SMIM8: variants seen among roughly 807,000 people sequenced by gnomAD.
The protein encoded by SMIM8 is UPF0708 protein C6orf162.
In SMIM8, 8 loss-of-function variants were observed where a neutral mutation model predicts 8.1. The ratio of observed to expected loss-of-function variants is 0.99; its 90% CI spans 0.58 to 1.78. The LOEUF is 1.78. Among genes scored for constraint, SMIM8 ranks in the 40% most tolerant of loss-of-function variants. The probability of loss-of-function intolerance (pLI) is 0.00; values close to 1 mark genes in which losing one functional copy is unlikely to be tolerated. For synonymous variants in SMIM8, 45 were observed against 39.7 expected (o/e 1.13, Z -0.50); for missense variants, 126 against 119.8 (o/e 1.05, Z -0.24).
chr6:87,329,673 T>A (rs1776945476), intron 1 of SMIM8, among the ~76,000 whole-genome samples: 2 of 152,064 alleles, frequency 1.3e-5, no homozygotes, highest in Non-Finnish European at 2.9e-5. Context: ...GTGATTATAA[T>A]TTTTTTTCTT....
intron 2 of SMIM8, 86 bp downstream of exon 2, chr6:87,330,798 ACTCTC>A (rs376020414): frequency 6.6e-5 from 10 of 151,356 alleles, no homozygotes; most frequent in African/African-American, 2.2e-4. Flanking sequence ...GAAATGTTCT[ACTCTC>A]CTCTATTTTT....
rs1003358410 is a variant in SMIM8 at position 87,336,952 on chromosome 6, G to A, written c.-23-57G>A. On this transcript the variant is annotated intron_variant, in intron 2 of 3. Transcript: ENST00000392863. The stretch of plus-strand genomic sequence containing the variant: ...AGGAATTTAAGAATTACTTTTTAAA[G>A]AAATTTATCAGAGAAGCACAATTAT... 3.6e-6 allele frequency: 5 copies of A among 1,373,188 alleles called. No individual in the cohort carries two copies. The African/African-American group carries it at 7.3e-5, about 20-fold the overall frequency. The allele number at this position is 1,373,188 out of a possible 1,614,324, so 85.1% of individuals were successfully genotyped here.
intron 1 of SMIM8, among the ~76,000 whole-genome samples, chr6:87,329,802 G>C (rs1187627733): frequency 1.3e-5 from 2 of 152,106 alleles, no homozygotes; most frequent in East Asian, 3.9e-4. Context: ...CTCCTGGTAA[G>C]GACATCTCCT....
intron 2 of SMIM8, among the ~76,000 whole-genome samples, chr6:87,332,284 C>G (rs1328802230): frequency 2.1e-5 from 3 of 146,284 alleles, no homozygotes; most frequent in Non-Finnish European, 4.5e-5. Flanking sequence ...TGTAACTAGT[C>G]TCTCTCTTTC....
intron 3 of SMIM8, among the ~76,000 whole-genome samples, chr6:87,339,334 G>A (rs1412101948): frequency 2.6e-4 from 11 of 42,042 alleles, no homozygotes; most frequent in South Asian, 1.6e-3. Flanking sequence ...GCGTGTGTGT[G>A]TGTGTGTGTG....
At position 87,329,487 on chromosome 6, in the gene SMIM8, C is replaced by G. The variant is rs558322827; in HGVS notation, c.-44-1205C>G. 4.0e-4 allele frequency among the ~76,000 whole-genome samples: 61 copies of G among 152,304 alleles called. 1 individual carries two copies. The highest frequency in any genetic ancestry group is 3.7e-3 in the East Asian group (19 of 5,174). On this transcript the variant is annotated intron_variant, in intron 1 of 3. Coordinates refer to ENST00000392863, the MANE Select transcript of SMIM8 (RefSeq NM_001042493.3). ...ACGGGGTTTCACCATATTGGCTACG[C>G]TAGTTTCAAACTCCTGACCTCAAGT...
rs538949089 is a variant in SMIM8, at chr6:87,328,745, G to A, written c.-44-1947G>A. On this transcript the variant is annotated intron_variant, in intron 1 of 3. Transcript: ENST00000392863. ...GCCCCCAGAGGTGGAGCCTACAGAG[G>A]CAGGCAGGCCTCCTTGAGCTGTGGT... 3.4e-3 allele frequency among the ~76,000 whole-genome samples: 517 copies of A among 152,330 alleles called. 1 individual carries two copies. Among genetic ancestry groups the A allele is most frequent in the African/African-American group, 0.012 (495 of 41,572 alleles).
Position 87,341,399 on chromosome 6 carries a change from C to G in SMIM8, c.*1125C>G, listed in dbSNP as rs1428014131. On this transcript the variant is annotated 3_prime_UTR_variant, in exon 4 of 4. Transcript: ENST00000392863. ...TGGCACCTGGCCCAGGGGCCTAGGA[C>G]AGAGGTCAAGGCTAGGCCCCTGTGT... is the stretch of plus-strand genomic sequence containing the variant. 3 of 397,342 alleles carry G rather than the reference C, an allele frequency of 7.6e-6. No homozygotes were observed. Among genetic ancestry groups the G allele is most frequent in the African/African-American group, 4.1e-5 (2 of 48,578 alleles). 24.6% of individuals were successfully genotyped at this position (397,342 alleles called of 1,614,324 possible). A position where few individuals can be genotyped will look rare whatever the true frequency, so the allele number is the denominator to read the frequency against.
Position 87,328,075 on chromosome 6 carries a change from G to A in SMIM8, c.-44-2617G>A, listed in dbSNP as rs1372156206. 6.6e-5 allele frequency among the ~76,000 whole-genome samples: 10 copies of A among 152,092 alleles called. No homozygotes were observed. In the South Asian group the frequency reaches 2.1e-3, roughly 32 times the overall value. ...CTCCTGAGGCTTCTGCATTCTTCAC[G>A]TAGTTCTTGAGCCTTGGTTTTCAGC... is the stretch of plus-strand genomic sequence containing the variant. On this transcript the variant is annotated intron_variant, in intron 1 of 3. Transcript: ENST00000392863.
intron 1 of SMIM8, among the ~76,000 whole-genome samples, chr6:87,328,532 C>T (rs1181475098): frequency 6.6e-6 from 1 of 151,698 alleles, no homozygotes; most frequent in African/African-American, 2.4e-5. Flanking sequence ...CAGTCTGCCC[C>T]TGCTGGAGGC....
At chr6:87,322,946 G>C (rs540439332) in intron 1 of SMIM8, 4 of 152,322 alleles carry the variant, frequency 2.6e-5, no homozygotes, top group African/African-American at 9.6e-5. Context: ...CAGTTTCTTA[G>C]TGTCTTGGCT....
Position 87,340,402 on chromosome 6 carries a change from C to A in SMIM8, c.*128C>A. On this transcript the variant is annotated 3_prime_UTR_variant, in exon 4 of 4. Transcript: ENST00000392863. ...TAATGAAGAGAGAAGATAGCAGTTG[C>A]AACCAGACAACTGTCGTAAATTTTG... 2 of 921,946 alleles carry A rather than the reference C, an allele frequency of 2.2e-6. No individual in the cohort carries two copies. Among genetic ancestry groups the A allele is most frequent in the Non-Finnish European group, 2.9e-6 (2 of 696,844 alleles). 57.1% of individuals were successfully genotyped at this position (921,946 alleles called of 1,614,324 possible). A position where few individuals can be genotyped will look rare whatever the true frequency, so the allele number is the denominator to read the frequency against.
At chr6:87,339,143 A>G (rs1377122828) in intron 3 of SMIM8, among the ~76,000 whole-genome samples, 2 of 152,122 alleles carry the variant, frequency 1.3e-5, no homozygotes, top group East Asian at 3.8e-4. Flanking sequence ...GTATTTATTA[A>G]AAATACAAAA....
rs994772874 is a variant in SMIM8 at position 87,324,025 on chromosome 6, T to A, written c.-45+1393T>A. On this transcript the variant is annotated intron_variant, in intron 1 of 3. Coordinates refer to ENST00000392863, the MANE Select transcript of SMIM8 (RefSeq NM_001042493.3). ...TGATTTGCATTTCTCTGATGGCCAG[T>A]GATGGTGAGCATTTTTTCATGTGTG... Among the ~76,000 whole-genome samples the A allele has an allele frequency of 3.3e-4, 50 of 150,372 alleles. 1 individual carries two copies. Among genetic ancestry groups the A allele is most frequent in the East Asian group, 1.6e-3 (8 of 5,136 alleles).
Position 87,341,133 on chromosome 6 carries a change from A to G in SMIM8, c.*859A>G. ...GTTATTTAAAAACTACAACTACTCAATGGATAAGGAATAGATAAGGTCTCC... is the reference window on the plus strand; with the variant it reads ...GTTATTTAAAAACTACAACTACTCAGTGGATAAGGAATAGATAAGGTCTCC... On this transcript the variant is annotated 3_prime_UTR_variant, in exon 4 of 4. Transcript: ENST00000392863. 4 of 395,416 alleles carry G rather than the reference A, an allele frequency of 1.0e-5. No homozygotes were observed. Among genetic ancestry groups the G allele is most frequent in the East Asian group, 3.6e-5 (1 of 27,838 alleles). The allele number at this position is 395,416 out of a possible 1,614,324, so 24.5% of individuals were successfully genotyped here.
intron 3 of SMIM8, among the ~76,000 whole-genome samples, chr6:87,337,889 A>G (rs902405462): frequency 2.0e-5 from 3 of 152,222 alleles, no homozygotes; most frequent in African/African-American, 7.2e-5. Flanking sequence ...CAGCCTCCCA[A>G]ATTGTTGTGA....
intron 2 of SMIM8, among the ~76,000 whole-genome samples, chr6:87,331,184 A>G (rs1012314198): frequency 6.6e-6 from 1 of 152,244 alleles, no homozygotes; most frequent in Non-Finnish European, 1.5e-5. Context: ...AGTGGAAACA[A>G]AAAGTAAGAG....
Position 87,341,355 on chromosome 6 carries a change from A to G in SMIM8, c.*1081A>G, listed in dbSNP as rs1777229669. ...TCAGTACCCACTGGAGGTGAGAAGC[A>G]GAATGGCCTTGGTTGTCCTGGCACC... On this transcript the variant is annotated 3_prime_UTR_variant, in exon 4 of 4. Transcript: ENST00000392863. 1 of 396,288 alleles carries G rather than the reference A, an allele frequency of 2.5e-6. No homozygotes were observed. The highest frequency in any genetic ancestry group is 4.4e-6 in the Non-Finnish European group (1 of 225,380). 24.5% of individuals were successfully genotyped at this position (396,288 alleles called of 1,614,324 possible).
Position 87,329,554 on chromosome 6 carries a change from G to A in SMIM8, c.-44-1138G>A, listed in dbSNP as rs189572632. On this transcript the variant is annotated intron_variant, in intron 1 of 3. Transcript: ENST00000392863. ...AATCTACCCGCTTCGGCCTCCCAGA[G>A]TGCTGGGATTGCAGGCGTGAGCCAC... Among the ~76,000 whole-genome samples, 95 of 152,352 alleles carry A rather than the reference G, an allele frequency of 6.2e-4. 1 individual carries two copies. The highest frequency in any genetic ancestry group is 1.2e-3 in the Non-Finnish European group (80 of 68,032).
Sources: allele counts gnomAD v4.1 joint callset (sites outside exome capture counted in the v4.1 genomes callset), GRCh38; gene constraint gnomAD v4.1.1; transcripts MANE v1.5; gene names NCBI Gene and HGNC (gene_info 2026-07-23, HGNC 2026-07-21).